The following PCDHGB3 variants were observed in gnomAD, a reference collection of about 807,000 sequenced individuals.
The protein encoded by PCDHGB3 is protocadherin gamma-B3.
PCDHGB3 carries 40 observed loss-of-function variants against 59.2 expected under a neutral mutation model. That is an observed-to-expected ratio of 0.68 (90% CI 0.52 to 0.88). PCDHGB3 has a LOEUF of 0.88. Among genes scored for constraint, PCDHGB3 ranks in the 40% least tolerant of loss-of-function variants. PCDHGB3 has a pLI of 0.00. For missense variants in PCDHGB3, 1,309 were observed against 1,187.9 expected (o/e 1.10, Z -1.50); for synonymous variants, 581 against 503.6 (o/e 1.15, Z -2.06).
chr5:141,386,602 T>C (rs2090639414), intron 1 of PCDHGB3, among the ~76,000 whole-genome samples: 1 of 152,182 alleles, frequency 6.6e-6, no homozygotes, highest in African/African-American at 2.4e-5. Flanking sequence ...TACATTTTTT[T>C]TTTTTGACAT....
rs749007839 is a variant in PCDHGB3 at position 141,418,069 on chromosome 5, G to A, written c.2415+45260G>A. On this transcript the variant is annotated intron_variant, in intron 1 of 3. Coordinates refer to ENST00000576222, the MANE Select transcript of PCDHGB3 (RefSeq NM_018924.5). ...CGGCTCGCGAGCTGCGAGTGAGCGC[G>A]GAGAAGCTGCACTTCAGCGTAGACG... 1.7e-5 allele frequency: 28 copies of A among 1,613,926 alleles called. 1 individual carries two copies. The Middle Eastern group carries it at 9.9e-4, about 57-fold the overall frequency.
intron 1 of PCDHGB3, chr5:141,394,196 C>G (rs760903381): frequency 2.7e-5 from 44 of 1,613,792 alleles, no homozygotes; most frequent in African/African-American, 4.0e-5. Flanking sequence ...CAGCGTATAT[C>G]CTAGAGAACA....
chr5:141,389,553 G>T, intron 1 of PCDHGB3: 1 of 1,613,234 alleles, frequency 6.2e-7, no homozygotes. Context: ...CAACGACAAT[G>T]CGCCACGGGT....
rs34152666 is a variant in PCDHGB3 at position 141,428,860 on chromosome 5, C to CT, written c.2415+56064dup. 6.7e-4 allele frequency: 98 copies of CT among 145,544 alleles called. 1 individual carries two copies. The highest frequency in any genetic ancestry group is 1.4e-3 in the East Asian group (7 of 4,990). 9.0% of individuals were successfully genotyped at this position (145,544 alleles called of 1,614,324 possible). On this transcript the variant is annotated intron_variant, in intron 1 of 3. Transcript: ENST00000576222. ...ACATTTTCACCATTTTTACGGGAGA[C>CT]TTTTTTTTTTTTTGGACGGAGTCTC...
chr5:141,409,258 C>G (rs2095247947), intron 1 of PCDHGB3: 2 of 1,613,918 alleles, frequency 1.2e-6, no homozygotes, highest in Non-Finnish European at 8.5e-7. Flanking sequence ...TCACTTCTCT[C>G]TCTGATCAGA....
rs1478890031 is a variant in PCDHGB3, at chr5:141,478,689, C to G, written c.2416-16118C>G. On this transcript the variant is annotated intron_variant, in intron 1 of 3. Coordinates refer to ENST00000576222, the MANE Select transcript of PCDHGB3 (RefSeq NM_018924.5). Reference sequence around the variant, plus strand: ...CACTTTCAACTGGCCCTTCCTAGATCAAAGTTAGTGCCTTTGTGAGATGGT... The same window carrying G: ...CACTTTCAACTGGCCCTTCCTAGATGAAAGTTAGTGCCTTTGTGAGATGGT... 3 of 1,550,866 alleles carry G rather than the reference C, an allele frequency of 1.9e-6. No homozygotes were observed. In the African/African-American group the frequency reaches 4.1e-5, roughly 21 times the overall value.
chr5:141,396,708 T>C (rs1402538886), intron 1 of PCDHGB3: 1 of 152,190 alleles, frequency 6.6e-6, no homozygotes, highest in Admixed American at 6.5e-5. Flanking sequence ...AGCATTTGAA[T>C]AAAGCTAATA....
chr5:141,418,323 A>G, intron 1 of PCDHGB3: 2 of 1,614,004 alleles, frequency 1.2e-6, no homozygotes, highest in Non-Finnish European at 1.7e-6. Flanking sequence ...ACAATTCTTG[A>G]GTCTGCAGAA....
intron 1 of PCDHGB3, chr5:141,427,255 G>C (rs1369151995): frequency 2.2e-6 from 1 of 456,746 alleles, no homozygotes; most frequent in Non-Finnish European, 4.4e-6. Flanking sequence ...GATGGTGGAG[G>C]CATGACCAGC....
Position 141,431,051 on chromosome 5 carries a change from G to C in PCDHGB3, c.2415+58242G>C, listed in dbSNP as rs1280440001. On this transcript the variant is annotated intron_variant, in intron 1 of 3. Coordinates refer to ENST00000576222, the MANE Select transcript of PCDHGB3 (RefSeq NM_018924.5). This position sits in a 1 kb window ranked among gnomAD's most constrained non-coding sequence, Gnocchi z 4.8. ...GATAGACCGGGAGGAGCTCTGTATGGGGGCCATCAAGTGTCAATTAAATCT... is the reference window on the plus strand; with the variant it reads ...GATAGACCGGGAGGAGCTCTGTATGCGGGCCATCAAGTGTCAATTAAATCT... 3 of 1,614,218 alleles carry C rather than the reference G, an allele frequency of 1.9e-6. No homozygotes were observed. Among genetic ancestry groups the C allele is most frequent in the East Asian group, 2.2e-5 (1 of 44,886 alleles).
chr5:141,410,201 A>G, intron 1 of PCDHGB3: 3 of 1,613,988 alleles, frequency 1.9e-6, no homozygotes, highest in Non-Finnish European at 2.5e-6. Context: ...CTTCGCAGAC[A>G]ACTTGCAAGA....
At chr5:141,438,637 C>T (rs11958903) in intron 1 of PCDHGB3, among the ~76,000 whole-genome samples, 3,503 of 30,116 alleles carry the variant, frequency 0.12, 108 homozygotes, top group Non-Finnish European at 0.15. Context: ...TATATATATA[C>T]ACACACACAC....
intron 1 of PCDHGB3, among the ~76,000 whole-genome samples, chr5:141,473,916 A>T (rs1014065718): frequency 2.6e-5 from 4 of 152,162 alleles, no homozygotes; most frequent in Non-Finnish European, 4.4e-5. Flanking sequence ...TCTTAAGAAA[A>T]CTATGAGCTG....
intron 1 of PCDHGB3, chr5:141,415,641 T>TAA (rs113784532): frequency 8.4e-5 from 108 of 1,280,644 alleles, no homozygotes; most frequent in African/African-American, 8.0e-4. Flanking sequence ...TTACTTTTGT[T>TAA]AAAAAAAAAA....
chr5:141,418,693 T>G, intron 1 of PCDHGB3: 1 of 1,614,040 alleles, frequency 6.2e-7, no homozygotes, highest in Admixed American at 1.7e-5. Flanking sequence ...CAGAGATCAC[T>G]TATTCCTTCT....
At position 141,431,555 on chromosome 5, in the gene PCDHGB3, G is replaced by A. The variant is rs2097394199; in HGVS notation, c.2415+58746G>A. On this transcript the variant is annotated intron_variant, in intron 1 of 3. Transcript: ENST00000576222. This position sits in a 1 kb window ranked among gnomAD's most constrained non-coding sequence, Gnocchi z 4.8. The stretch of plus-strand genomic sequence containing the variant: ...GGGCACGCAGCTGCTTGTAGTCAAC[G>A]CTACCGACCCTGACGAAGGAGTCAA... 1 of 1,614,014 alleles carries A rather than the reference G, an allele frequency of 6.2e-7. No individual in the cohort carries two copies. The highest frequency in any genetic ancestry group is 8.5e-7 in the Non-Finnish European group (1 of 1,180,032).
intron 1 of PCDHGB3, chr5:141,421,454 T>C: frequency 6.2e-7 from 1 of 1,614,132 alleles, no homozygotes; most frequent in Non-Finnish European, 8.5e-7. Flanking sequence ...ACACAGCTTT[T>C]CGCTGTGAAT....
chr5:141,510,209 G>T (rs1294961681), intron 3 of PCDHGB3, among the ~76,000 whole-genome samples: 12 of 151,440 alleles, frequency 7.9e-5, no homozygotes, highest in African/African-American at 2.9e-4. Flanking sequence ...GGAGGCAGAG[G>T]TTGCAGTGAG....
rs1256790840 is a variant in PCDHGB3, at chr5:141,392,835, C to T, written c.2415+20026C>T. 8 of 1,608,038 alleles carry T rather than the reference C, an allele frequency of 5.0e-6. No individual in the cohort carries two copies. In the South Asian group the frequency reaches 5.5e-5, roughly 11 times the overall value. On this transcript the variant is annotated intron_variant, in intron 1 of 3. Coordinates refer to ENST00000576222, the MANE Select transcript of PCDHGB3 (RefSeq NM_018924.5). The stretch of plus-strand genomic sequence containing the variant: ...AACAATGGCCGCTCCACAGAGTCGC[C>T]CCAGACGCGGCGAGCTGATCCTGCT...
Sources: allele counts gnomAD v4.1 joint callset (sites outside exome capture counted in the v4.1 genomes callset), GRCh38; gene constraint gnomAD v4.1.1; non-coding constraint Gnocchi (gnomAD v3.1); transcripts MANE v1.5; gene names NCBI Gene and HGNC (gene_info 2026-07-23, HGNC 2026-07-21).